The following CEACAM7 variants were observed in gnomAD, a reference collection of about 807,000 sequenced individuals.
CEACAM7 encodes the protein cell adhesion molecule CEACAM7.
A neutral mutation model predicts 25.7 loss-of-function variants in CEACAM7; 24 were observed. The ratio of observed to expected loss-of-function variants is 0.93; its 90% CI spans 0.68 to 1.31. The LOEUF is 1.31. Among genes scored for constraint, CEACAM7 ranks in the 40% most tolerant of loss-of-function variants. The pLI is 0.00. For missense variants in CEACAM7, 324 were observed against 330.1 expected (o/e 0.98, Z 0.14); for synonymous variants, 144 against 129.4 (o/e 1.11, Z -0.77).
At chr19:41,686,582 G>T (rs1453868664) in intron 2 of CEACAM7, among the ~76,000 whole-genome samples, 1 of 152,136 alleles carries the variant, frequency 6.6e-6, no homozygotes, top group East Asian at 1.9e-4. Flanking sequence ...TTCAGGGGGA[G>T]GGCACAGAAT....
intron 2 of CEACAM7, among the ~76,000 whole-genome samples, chr19:41,684,988 G>A (rs1555811076): frequency 6.6e-6 from 1 of 152,182 alleles, no homozygotes; most frequent in Non-Finnish European, 1.5e-5. Context: ...CCATTCCAAG[G>A]GACCCCACCT....
At chr19:41,678,147 C>G (rs2072134832) in intron 3 of CEACAM7, among the ~76,000 whole-genome samples, 1 of 152,098 alleles carries the variant, frequency 6.6e-6, no homozygotes, top group Non-Finnish European at 1.5e-5. Context: ...GTGTTTTTCC[C>G]TCAAAATTAT....
In CEACAM7 at chr19:41,677,468, C is replaced by G; in HGVS notation, c.742G>C (p.Ala248Pro). The G allele has an allele frequency of 6.2e-7, 1 of 1,614,072 alleles. No individual in the cohort carries two copies. The highest frequency in any genetic ancestry group is 8.5e-7 in the Non-Finnish European group (1 of 1,179,918). The part of the protein sequence containing the change: ...SVQASSPDLS[A>P]GTAVSIMIGV... Reference sequence around the variant, plus strand: ...ATCATGATGCTGACAGCGGTCCCAGCTGAGAGGTCAGGTGAACTTGCTTGT... The same window carrying G: ...ATCATGATGCTGACAGCGGTCCCAGGTGAGAGGTCAGGTGAACTTGCTTGT... Residue 248 changes from alanine (A) to proline (P), a missense_variant, in exon 4 of 5, where the codon GCT becomes CCT. Physicochemically the swap from Ala to Pro is conservative, Grantham distance 27. Transcript: ENST00000401731.
In CEACAM7 at chr19:41,686,869, G is replaced by C; in HGVS notation, c.417C>G (p.Phe139Leu). 6.5e-7 allele frequency: 1 copy of C among 1,529,812 alleles called. No homozygotes were observed. Among genetic ancestry groups the C allele is most frequent in the Non-Finnish European group, 8.8e-7 (1 of 1,141,642 alleles). The allele number at this position is 1,529,812 out of a possible 1,614,324, so 94.8% of individuals were successfully genotyped here. Residue 139 changes from phenylalanine to leucine, a missense_variant, in exon 2 of 5, where the codon TTC becomes TTG. By Grantham distance (22) the Phe-to-Leu change is conservative. Transcript: ENST00000401731. ...GGAGGTATCACTCACAGAATACGTA[G>C]AATTGTCTGGTTACTTCTTCATTCA... ...NLVNEEVTRQ[F>L]YVFSEPPKPS...
At chr19:41,679,512 C>T (rs1555810462) in intron 3 of CEACAM7, among the ~76,000 whole-genome samples, 1 of 152,118 alleles carries the variant, frequency 6.6e-6, no homozygotes, top group Non-Finnish European at 1.5e-5. Context: ...AAGATAAAAA[C>T]AAGACAAGAA....
Position 41,674,675 on chromosome 19 carries a change from G to C in CEACAM7, c.*101C>G, listed in dbSNP as rs967035375. ...TTATAGGTCTTCAGGAAGAGAGCAG[G>C]TCTTATACTTAGTGATGCCACAGGA... On this transcript the variant is annotated 3_prime_UTR_variant, in exon 5 of 5. Coordinates refer to ENST00000401731, the MANE Select transcript of CEACAM7 (RefSeq NM_001291485.2). 1.0e-5 allele frequency: 3 copies of C among 288,328 alleles called. No homozygotes were observed. Among genetic ancestry groups the C allele is most frequent in the Admixed American group, 4.0e-5 (1 of 24,934 alleles). 17.9% of individuals were successfully genotyped at this position (288,328 alleles called of 1,614,324 possible).
In CEACAM7 at chr19:41,684,844, G is replaced by T. The variant is rs147387450; in HGVS notation, c.428-781C>A. Among the ~76,000 whole-genome samples the T allele has an allele frequency of 5.9e-5, 9 of 152,322 alleles. No homozygotes were observed. In the East Asian group the frequency reaches 1.7e-3, roughly 29 times the overall value. Reference sequence around the variant, plus strand: ...CCAGCTCCTGTGCAGTCAGCAAAATGGAGGAAATCCCAACACAGGCATGAG... The same window carrying T: ...CCAGCTCCTGTGCAGTCAGCAAAATTGAGGAAATCCCAACACAGGCATGAG... On this transcript the variant is annotated intron_variant, in intron 2 of 4. Coordinates refer to ENST00000401731, the MANE Select transcript of CEACAM7 (RefSeq NM_001291485.2).
rs1482632825 is a variant in CEACAM7 at position 41,673,612 on chromosome 19, T to A, written c.*1164A>T. 4 of 152,210 alleles carry A rather than the reference T, an allele frequency of 2.6e-5. No individual in the cohort carries two copies. The highest frequency in any genetic ancestry group is 5.9e-5 in the Non-Finnish European group (4 of 68,038). The allele number at this position is 152,210 out of a possible 1,614,324, so 9.4% of individuals were successfully genotyped here. ...GTTCTGGGATCTACCTGCTTCCTCA[T>A]GTTTCAGTGTGAGTATATGGCATTT... On this transcript the variant is annotated 3_prime_UTR_variant, in exon 5 of 5. Coordinates refer to ENST00000401731, the MANE Select transcript of CEACAM7 (RefSeq NM_001291485.2).
intron 3 of CEACAM7, among the ~76,000 whole-genome samples, chr19:41,680,607 G>A (rs782603917): frequency 2.6e-5 from 4 of 152,110 alleles, no homozygotes; most frequent in East Asian, 1.9e-4. Context: ...AAATGCTTGC[G>A]TTTATAGTCA....
At chr19:41,678,985 AC>A (rs1391443108) in intron 3 of CEACAM7, among the ~76,000 whole-genome samples, 6 of 152,246 alleles carry the variant, frequency 3.9e-5, no homozygotes, top group Non-Finnish European at 7.3e-5. Context: ...TAGGAGAAAA[AC>A]AAATGAAACC....
chr19:41,684,047 G>C lies in CEACAM7; in HGVS notation c.444C>G (p.Pro148=). The C allele has an allele frequency of 6.2e-7, 1 of 1,614,132 alleles. No homozygotes were observed. Among genetic ancestry groups the C allele is most frequent in the Non-Finnish European group, 8.5e-7 (1 of 1,180,010 alleles). The change falls in exon 3 of 5, where the codon CCC becomes CCG. Residue 148 remains proline, a synonymous_variant. Coordinates refer to ENST00000401731, the MANE Select transcript of CEACAM7 (RefSeq NM_001291485.2). ...GATTGAAGTTGTTGCTGGTGATGGAGGGCTTGGGTGGCTCCGCTGTGCAGA... is the reference window on the plus strand; with the variant it reads ...GATTGAAGTTGTTGCTGGTGATGGACGGCTTGGGTGGCTCCGCTGTGCAGA... ...QFYVFSEPPK[P]SITSNNFNPV... is the part of the protein sequence containing the mutation.
At chr19:41,678,751 A>G (rs997280014) in intron 3 of CEACAM7, among the ~76,000 whole-genome samples, 4 of 152,220 alleles carry the variant, frequency 2.6e-5, no homozygotes, top group Non-Finnish European at 5.9e-5. Flanking sequence ...CATTTATGAA[A>G]CAGTTCCTCT....
chr19:41,683,156 C>A (rs968517488), intron 3 of CEACAM7, among the ~76,000 whole-genome samples: 3 of 152,218 alleles, frequency 2.0e-5, no homozygotes, highest in Non-Finnish European at 2.9e-5. Context: ...GGACTGTGAT[C>A]ATCTTGACTG....
chr19:41,683,438 G>A (rs1400612566), intron 3 of CEACAM7, among the ~76,000 whole-genome samples: 1 of 152,184 alleles, frequency 6.6e-6, no homozygotes, highest in Non-Finnish European at 1.5e-5. Flanking sequence ...AGAGGGAAGC[G>A]GAAGCTCCTG....
Position 41,674,557 on chromosome 19 carries a change from A to G in CEACAM7, c.*219T>C. On this transcript the variant is annotated 3_prime_UTR_variant, in exon 5 of 5. Transcript: ENST00000401731. ...GTTGGCAATTTGAGTGTCTCTAGTT[A>G]TGGTGTTGAACATTTTGGTTAGCTC... The G allele has an allele frequency of 4.2e-6, 1 of 237,646 alleles. No homozygotes were observed. The highest frequency in any genetic ancestry group is 8.4e-6 in the Non-Finnish European group (1 of 118,684). The allele number at this position is 237,646 out of a possible 1,614,324, so 14.7% of individuals were successfully genotyped here.
chr19:41,677,537 G>A (rs758662338), intron 3 of CEACAM7, 34 bp from the exon 4 acceptor site: 2 of 1,538,588 alleles, frequency 1.3e-6, no homozygotes, highest in Admixed American at 3.4e-5. Context: ...GAATGAAGTT[G>A]ATCTTATTTT....
chr19:41,681,966 G>T (rs1160577358), intron 3 of CEACAM7, among the ~76,000 whole-genome samples: 1 of 152,044 alleles, frequency 6.6e-6, no homozygotes, highest in African/African-American at 2.4e-5. Flanking sequence ...TTTTTTTGGA[G>T]ACAGGGTCTC....
Position 41,687,051 on chromosome 19 carries a change from T to C in CEACAM7, c.235A>G (p.Ile79Val), listed in dbSNP as rs782038954. ...CTTATATTTTTTACATATCCTATAA[T>C]TCGATAGTTGGCATGCACCCTTTCC... is the stretch of plus-strand genomic sequence containing the variant. ...KGERVHANYRIIGYVKNISQE... is the reference protein window; with the variant it reads ...KGERVHANYRVIGYVKNISQE... The change falls in exon 2 of 5, where the codon ATT becomes GTT. Residue 79 changes from isoleucine to valine, a missense_variant. Physicochemically the swap from Ile to Val is conservative, Grantham distance 29 (BLOSUM62 3). Coordinates refer to ENST00000401731, the MANE Select transcript of CEACAM7 (RefSeq NM_001291485.2). 1 of 1,614,124 alleles carries C rather than the reference T, an allele frequency of 6.2e-7. No individual in the cohort carries two copies. Among genetic ancestry groups the C allele is most frequent in the Non-Finnish European group, 8.5e-7 (1 of 1,180,002 alleles).
At chr19:41,678,068 A>G (rs1348722683) in intron 3 of CEACAM7, among the ~76,000 whole-genome samples, 1 of 152,094 alleles carries the variant, frequency 6.6e-6, no homozygotes, top group Non-Finnish European at 1.5e-5. Flanking sequence ...CTCCACAGGC[A>G]TCACATCTGC....
Sources: gnomAD v4.1 joint callset for allele counts (sites outside exome capture counted in the v4.1 genomes callset) on GRCh38, gnomAD v4.1.1 for gene constraint, MANE v1.5 for transcripts, NCBI Gene and HGNC (gene_info 2026-07-23, HGNC 2026-07-21) for gene names.